The following LRFN5 variants were observed in gnomAD, a reference collection of about 807,000 sequenced individuals.
LRFN5 encodes leucine rich repeat and fibronectin type III domain containing 5.
In LRFN5, 24 loss-of-function variants were observed where a neutral mutation model predicts 45.6. The ratio of observed to expected loss-of-function variants is 0.53; its 90% CI spans 0.38 to 0.74. LRFN5 has a LOEUF of 0.74. Ranked by LOEUF, LRFN5 falls within the 30% of genes least tolerant of loss-of-function variation. LRFN5 has a pLI of 0.00. For missense variants in LRFN5, 776 were observed against 861.5 expected (o/e 0.90, Z 1.24); for synonymous variants, 340 against 313.8 (o/e 1.08, Z -0.88).
Position 41,887,471 on chromosome 14 carries a change from T to A in LRFN5, c.846T>A (p.Phe282Leu). ...TTTGGTCAATTCCTGAAGAAGAGTT[T>A]TTGTGTGAGCCTCCTCTCATTACTC... is the stretch of plus-strand genomic sequence containing the variant. Reference protein sequence around the residue: ...RYFWSIPEEEFLCEPPLITRH... With the variant: ...RYFWSIPEEELLCEPPLITRH... The change falls in exon 3 of 6, where the codon TTT becomes TTA. Residue 282 changes from phenylalanine (F) to leucine (L), a missense_variant. By Grantham distance (22) the Phe-to-Leu change is conservative (BLOSUM62 0). Around this residue, in one of 2 missense-constraint regions of LRFN5, gnomAD observed 311 missense variants for 405.1 expected, o/e 0.77. Transcript: ENST00000298119. This position sits in a 1 kb window ranked among gnomAD's most constrained non-coding sequence, Gnocchi z 4.8. 1 of 1,614,188 alleles carries A rather than the reference T, an allele frequency of 6.2e-7. No homozygotes were observed. Among genetic ancestry groups the A allele is most frequent in the East Asian group, 2.2e-5 (1 of 44,868 alleles).
intron 2 of LRFN5, among the ~76,000 whole-genome samples, chr14:41,767,261 T>C (rs1885919467): frequency 6.6e-6 from 1 of 152,144 alleles, no homozygotes; most frequent in Non-Finnish European, 1.5e-5. Flanking sequence ...ATTTTTTTTT[T>C]TAGGATTTGT....
At chr14:41,670,307 A>ACG (rs1881142257) in intron 1 of LRFN5, among the ~76,000 whole-genome samples, 1 of 31,534 alleles carries the variant, frequency 3.2e-5, no homozygotes, top group African/African-American at 1.7e-4. Flanking sequence ...ATATATATAC[A>ACG]CACACACAGA....
At chr14:41,857,178 G>A (rs1889501491) in intron 2 of LRFN5, among the ~76,000 whole-genome samples, 1 of 152,016 alleles carries the variant, frequency 6.6e-6, no homozygotes, top group South Asian at 2.1e-4. Context: ...ATTAATTTAA[G>A]TGGAAGTTAA....
intron 1 of LRFN5, among the ~76,000 whole-genome samples, chr14:41,698,747 T>C (rs1048979143): frequency 6.6e-6 from 1 of 152,114 alleles, no homozygotes; most frequent in Non-Finnish European, 1.5e-5. Flanking sequence ...TTTTGTATAT[T>C]TTAAAATTAT....
intron 1 of LRFN5, among the ~76,000 whole-genome samples, chr14:41,612,916 TTCA>T (rs1212075194): frequency 2.0e-5 from 3 of 152,062 alleles, no homozygotes; most frequent in Non-Finnish European, 4.4e-5. Flanking sequence ...TTTAAGCTTT[TTCA>T]TCATATTGTT....
At chr14:41,646,520 A>G (rs1383829370) in intron 1 of LRFN5, among the ~76,000 whole-genome samples, 3 of 152,148 alleles carry the variant, frequency 2.0e-5, no homozygotes, top group Non-Finnish European at 4.4e-5. Context: ...TCTGTATCCC[A>G]TTTCCTAGAA....
chr14:41,711,591 T>A (rs1046826890), intron 1 of LRFN5, among the ~76,000 whole-genome samples: 1 of 152,220 alleles, frequency 6.6e-6, no homozygotes, highest in Admixed American at 6.5e-5. Flanking sequence ...TTCCAAATAA[T>A]CTTAAGCTGT....
intron 1 of LRFN5, among the ~76,000 whole-genome samples, chr14:41,680,989 T>C (rs1196485442): frequency 6.6e-6 from 1 of 152,002 alleles, no homozygotes. Context: ...GAAGAATGTG[T>C]CACAGTCTCT....
chr14:41,728,848 T>C (rs1884047501), intron 1 of LRFN5, among the ~76,000 whole-genome samples: 1 of 152,196 alleles, frequency 6.6e-6, no homozygotes, highest in Admixed American at 6.6e-5. Flanking sequence ...TTTTAATGGC[T>C]CCATCAAAAA....
chr14:41,762,336 G>A (rs1001051100), intron 1 of LRFN5, among the ~76,000 whole-genome samples: 42 of 152,090 alleles, frequency 2.8e-4, no homozygotes, highest in African/African-American at 8.9e-4. Flanking sequence ...CGTTTACAAT[G>A]TGACATTTAC....
intron 2 of LRFN5, among the ~76,000 whole-genome samples, chr14:41,796,586 G>T (rs1388855209): frequency 6.6e-6 from 1 of 151,742 alleles, no homozygotes; most frequent in African/African-American, 2.4e-5. Flanking sequence ...AAGTACTTTA[G>T]TATATCACAT....
At chr14:41,675,444 A>G (rs930253827) in intron 1 of LRFN5, among the ~76,000 whole-genome samples, 44 of 152,228 alleles carry the variant, frequency 2.9e-4, no homozygotes, top group Non-Finnish European at 7.3e-5. Flanking sequence ...CCACCAAAAA[A>G]TTACGAAAAC....
intron 1 of LRFN5, among the ~76,000 whole-genome samples, chr14:41,682,066 C>T (rs1177044155): frequency 4.6e-5 from 7 of 150,630 alleles, no homozygotes; most frequent in Non-Finnish European, 7.4e-5. Flanking sequence ...GATCCGCCTG[C>T]CTTGGCCTCC....
At chr14:41,813,167 G>T (rs1369093974) in intron 2 of LRFN5, among the ~76,000 whole-genome samples, 1 of 152,038 alleles carries the variant, frequency 6.6e-6, no homozygotes, top group East Asian at 1.9e-4. Flanking sequence ...TAACTACAGA[G>T]AACAATTACA....
At chr14:41,790,582 T>A (rs1402425088) in intron 2 of LRFN5, among the ~76,000 whole-genome samples, 1 of 151,746 alleles carries the variant, frequency 6.6e-6, no homozygotes, top group African/African-American at 2.4e-5. Context: ...ATTTTGTTTT[T>A]TTTTTTTAAG....
At chr14:41,857,653 A>C (rs1385449938) in intron 2 of LRFN5, among the ~76,000 whole-genome samples, 1 of 152,222 alleles carries the variant, frequency 6.6e-6, no homozygotes, top group Non-Finnish European at 1.5e-5. Context: ...TGGTGATAAA[A>C]ACATGCATAA....
At chr14:41,859,120 C>G (rs559212035) in intron 2 of LRFN5, among the ~76,000 whole-genome samples, 12 of 152,226 alleles carry the variant, frequency 7.9e-5, no homozygotes, top group South Asian at 4.2e-4. Flanking sequence ...TCACCAGGGC[C>G]AACTTCAAGC....
At chr14:41,871,847 A>G (rs1890029807) in intron 2 of LRFN5, among the ~76,000 whole-genome samples, 1 of 152,098 alleles carries the variant, frequency 6.6e-6, no homozygotes, top group Non-Finnish European at 1.5e-5. Flanking sequence ...ATATTACTCT[A>G]CCTGCTCTTT....
chr14:41,703,539 T>G (rs1419749623), intron 1 of LRFN5, among the ~76,000 whole-genome samples: 5 of 151,056 alleles, frequency 3.3e-5, no homozygotes, highest in African/African-American at 7.3e-5. Flanking sequence ...TAAGACAGTG[T>G]TTTTTTTTGT....
Sources: gnomAD v4.1 joint callset for allele counts (sites outside exome capture counted in the v4.1 genomes callset) on GRCh38, gnomAD v4.1.1 for gene constraint, gnomAD v4.1.1 regional missense constraint, Gnocchi (gnomAD v3.1) non-coding constraint, MANE v1.5 for transcripts, NCBI Gene and HGNC (gene_info 2026-07-23, HGNC 2026-07-21) for gene names.